STRN3: variants seen among roughly 807,000 people sequenced by gnomAD.
STRN3 encodes striatin 3.
In STRN3, 29 loss-of-function variants were observed where a neutral mutation model predicts 95.6. The observed-to-expected ratio is 0.30, with a 90% CI of 0.23 to 0.41. The LOEUF is 0.41. Among genes scored for constraint, STRN3 ranks in the 10% least tolerant of loss-of-function variants. The probability of loss-of-function intolerance (pLI) is 1.00; values close to 1 mark genes in which losing one functional copy is unlikely to be tolerated. For missense variants in STRN3, 890 were observed against 972.1 expected (o/e 0.92, Z 1.12); for synonymous variants, 331 against 357.6 (o/e 0.93, Z 0.84).
intron 16 of STRN3, among the ~76,000 whole-genome samples, chr14:30,899,900 A>T (rs80135550): frequency 6.6e-6 from 1 of 152,234 alleles, no homozygotes; most frequent in Non-Finnish European, 1.5e-5. Flanking sequence ...ACCTATTCAT[A>T]GCATAAAGTT....
intron 3 of STRN3, among the ~76,000 whole-genome samples, chr14:30,951,149 C>T (rs1879621071): frequency 6.6e-6 from 1 of 152,018 alleles, no homozygotes; most frequent in Admixed American, 6.6e-5. Flanking sequence ...GTACTATGTC[C>T]CCCATTTTAA....
At chr14:31,003,350 A>G (rs1230587034) in intron 1 of STRN3, among the ~76,000 whole-genome samples, 1 of 132,520 alleles carries the variant, frequency 7.5e-6, no homozygotes, top group African/African-American at 2.8e-5. Flanking sequence ...TAAAAATTGG[A>G]AAAAAAAAAA....
At chr14:30,977,575 G>C (rs1881167268) in intron 1 of STRN3, among the ~76,000 whole-genome samples, 1 of 151,464 alleles carries the variant, frequency 6.6e-6, no homozygotes, top group South Asian at 2.1e-4. Flanking sequence ...CCTGAGGTCA[G>C]GAATTCAAGA....
chr14:30,912,133 G>T lies in STRN3; in HGVS notation c.1424C>A (p.Thr475Lys), dbSNP rs1268386520. 6.2e-7 allele frequency: 1 copy of T among 1,613,822 alleles called. No individual in the cohort carries two copies. Reference sequence around the variant, plus strand: ...TACTCCATCAAAATGGCTACGTAGTGTATACTTGGGATTCCATGTCTTTCG... The same window carrying T: ...TACTCCATCAAAATGGCTACGTAGTTTATACTTGGGATTCCATGTCTTTCG... ...AFRKTWNPKY[T>K]LRSHFDGVRA... Residue 475 changes from threonine to lysine, a missense_variant, in exon 11 of 18, where the codon ACA becomes AAA. Coordinates refer to ENST00000357479, the MANE Select transcript of STRN3 (RefSeq NM_001083893.2).
At position 30,902,605 on chromosome 14, in the gene STRN3, G is replaced by A. The variant is rs984555401; in HGVS notation, c.2068C>T (p.His690Tyr). ...SNNHINRVVS[H>Y]PTLPVTITAH... ...GTTATTGTAACAGGAAGTGTGGGAT[G>A]ACTTACTACTCTGTTGATATGATTA... The change falls in exon 16 of 18, where the codon CAT becomes TAT. Residue 690 changes from histidine to tyrosine, a missense_variant. Physicochemically the swap from His to Tyr is moderately conservative, Grantham distance 83. Coordinates refer to ENST00000357479, the MANE Select transcript of STRN3 (RefSeq NM_001083893.2). 3 of 1,607,388 alleles carry A rather than the reference G, an allele frequency of 1.9e-6. No individual in the cohort carries two copies. The highest frequency in any genetic ancestry group is 3.4e-5 in the Admixed American group (2 of 58,890).
At position 30,911,827 on chromosome 14, in the gene STRN3, A is replaced by G. The variant is rs1385847174; in HGVS notation, c.1551-3T>C. ...GCTCTACATCTAAAGAGGCACTCCT[A>G]AAAGAGGGGGAAAAAGGGTAGGGGA... On this transcript the variant is annotated splice_polypyrimidine_tract_variant and splice_region_variant and intron_variant, in intron 11 of 17. Transcript: ENST00000357479. The G allele has an allele frequency of 6.2e-7, 1 of 1,605,618 alleles. No individual in the cohort carries two copies. Among genetic ancestry groups the G allele is most frequent in the East Asian group, 2.2e-5 (1 of 44,766 alleles).
chr14:31,025,629 G>A lies in STRN3; in HGVS notation c.282+275C>T, dbSNP rs1028963038. On this transcript the variant is annotated intron_variant, in intron 1 of 17. Transcript: ENST00000357479. ...GAGGCCCGGGAAGGCCGCCTCCGGAGGAGCCCCCGCAGACGCCATACTAAA... is the reference window on the plus strand; with the variant it reads ...GAGGCCCGGGAAGGCCGCCTCCGGAAGAGCCCCCGCAGACGCCATACTAAA... The A allele has an allele frequency of 7.8e-6, 4 of 513,100 alleles. No homozygotes were observed. The African/African-American group carries it at 8.0e-5, about 10-fold the overall frequency. 31.8% of individuals were successfully genotyped at this position (513,100 alleles called of 1,614,324 possible). A position where few individuals can be genotyped will look rare whatever the true frequency, so the allele number is the denominator to read the frequency against.
chr14:30,985,243 G>T (rs1307157694), intron 1 of STRN3, among the ~76,000 whole-genome samples: 1 of 149,416 alleles, frequency 6.7e-6, no homozygotes, highest in Non-Finnish European at 1.5e-5. Flanking sequence ...AGGAGGCAGA[G>T]GTTGCAGTGA....
intron 1 of STRN3, among the ~76,000 whole-genome samples, chr14:30,985,869 A>G (rs1054525155): frequency 6.6e-6 from 1 of 152,134 alleles, no homozygotes; most frequent in African/African-American, 2.4e-5. Context: ...TTTCTGTCCA[A>G]AAACTACCTG....
In STRN3 at chr14:30,936,617, C is replaced by G. The variant is rs780859444; in HGVS notation, c.724G>C (p.Gly242Arg). Residue 242 changes from glycine (G) to arginine (R), a missense_variant, in exon 6 of 18, where the codon GGT becomes CGT. Coordinates refer to ENST00000357479, the MANE Select transcript of STRN3 (RefSeq NM_001083893.2). Reference sequence around the variant, plus strand: ...AAATTGAACGTCTCAAGAACATCACCAGAGGACCTGTGCGAAGGAAAAAAA... The same window carrying G: ...AAATTGAACGTCTCAAGAACATCACGAGAGGACCTGTGCGAAGGAAAAAAA... ...QKGQEIKRSS[G>R]DVLETFNFLE... The G allele has an allele frequency of 1.2e-6, 2 of 1,611,862 alleles. No homozygotes were observed. Among genetic ancestry groups the G allele is most frequent in the African/African-American group, 1.3e-5 (1 of 74,888 alleles).
intron 1 of STRN3, among the ~76,000 whole-genome samples, chr14:30,992,565 TAA>T (rs58987293): frequency 0.16 from 14,907 of 94,064 alleles, 2,135 homozygotes; most frequent in African/African-American, 0.38. Context: ...CCTGTCTCTT[TAA>T]AAAAAAAAAA....
intron 1 of STRN3, among the ~76,000 whole-genome samples, chr14:31,007,898 A>T (rs549881942): frequency 2.6e-5 from 4 of 152,316 alleles, no homozygotes; most frequent in African/African-American, 9.6e-5. Flanking sequence ...TCTCCGAAGT[A>T]AATAAAAAAT....
intron 1 of STRN3, among the ~76,000 whole-genome samples, chr14:31,011,761 AC>A (rs1242152041): frequency 2.6e-5 from 4 of 151,904 alleles, no homozygotes; most frequent in Non-Finnish European, 1.5e-5. Context: ...TCAATCCCCA[AC>A]CCTTTTTATT....
In STRN3 at chr14:30,980,792, T is replaced by A. The variant is rs113596020; in HGVS notation, c.283-24550A>T. ...ATTGCAAGAGTTTTCTTTAAAAAAA[T>A]TTTTTTAACTAAAAGCAAACACTAG... is the stretch of plus-strand genomic sequence containing the variant. On this transcript the variant is annotated intron_variant, in intron 1 of 17. Transcript: ENST00000357479. Among the ~76,000 whole-genome samples, 1,401 of 151,998 alleles carry A rather than the reference T, an allele frequency of 9.2e-3. 21 individuals are homozygous for A. The highest frequency in any genetic ancestry group is 0.031 in the African/African-American group (1,304 of 41,512).
chr14:31,020,720 G>A (rs1372290191), intron 1 of STRN3, among the ~76,000 whole-genome samples: 1 of 152,016 alleles, frequency 6.6e-6, no homozygotes, highest in African/African-American at 2.4e-5. Context: ...ACCAGCCTGG[G>A]CAACAAACTG....
rs1320865897 is a variant in STRN3 at position 30,901,049 on chromosome 14, G to A, written c.2137+1487C>T. On this transcript the variant is annotated intron_variant, in intron 16 of 17. Transcript: ENST00000357479. ...TAATTAATAAACAGGAATCTTTTTAGAAACACAAAGGAAATTAACCTCTTT... is the reference window on the plus strand; with the variant it reads ...TAATTAATAAACAGGAATCTTTTTAAAAACACAAAGGAAATTAACCTCTTT... 3.3e-5 allele frequency among the ~76,000 whole-genome samples: 5 copies of A among 151,964 alleles called. No individual in the cohort carries two copies. The East Asian group carries it at 9.6e-4, about 29-fold the overall frequency.
chr14:30,945,811 A>C (rs754315667), intron 5 of STRN3, among the ~76,000 whole-genome samples: 2 of 152,184 alleles, frequency 1.3e-5, no homozygotes, highest in Admixed American at 6.5e-5. Context: ...ACAGAGACAG[A>C]GAGTAGATTA....
chr14:30,951,805 A>G (rs914937174), intron 3 of STRN3, among the ~76,000 whole-genome samples: 1 of 152,234 alleles, frequency 6.6e-6, no homozygotes, highest in Non-Finnish European at 1.5e-5. Flanking sequence ...AACAAAGTGT[A>G]CACATTAAAA....
At chr14:30,909,227 G>A (rs1163062639) in intron 13 of STRN3, among the ~76,000 whole-genome samples, 1 of 152,182 alleles carries the variant, frequency 6.6e-6, no homozygotes, top group Non-Finnish European at 1.5e-5. Context: ...TCTTGTGGCT[G>A]CACATAGTGG....
Sources: allele counts gnomAD v4.1 joint callset (sites outside exome capture counted in the v4.1 genomes callset), GRCh38; gene constraint gnomAD v4.1.1; transcripts MANE v1.5; gene names NCBI Gene and HGNC (gene_info 2026-07-23, HGNC 2026-07-21).